CRYBG3: variants seen among roughly 807,000 people sequenced by gnomAD.
CRYBG3 encodes crystallin beta-gamma domain containing 3, also known as very large A-kinase anchor protein.
In CRYBG3, 127 loss-of-function variants were observed where a neutral mutation model predicts 244.2. The observed-to-expected ratio is 0.52, with a 90% CI of 0.45 to 0.60. CRYBG3 has a LOEUF of 0.60. Ranked by LOEUF, CRYBG3 falls within the 20% of genes least tolerant of loss-of-function variation. CRYBG3 has a pLI of 0.00. For missense variants in CRYBG3, 3,325 were observed against 3,442.5 expected, an observed-to-expected ratio of 0.97 and a Z score of 0.85; for synonymous variants, 1,132 against 1,195.8, an observed-to-expected ratio of 0.95 and a Z score of 1.10.
At chr3:97,844,249 ATCC>A (rs2038866581) in intron 2 of CRYBG3, among the ~76,000 whole-genome samples, 1 of 152,032 alleles carries the variant, frequency 6.6e-6, no homozygotes, top group Non-Finnish European at 1.5e-5. Flanking sequence ...TGGCTACTAA[ATCC>A]TCCTTCTGGT....
intron 11 of CRYBG3, among the ~76,000 whole-genome samples, chr3:97,894,659 G>A (rs1025183773): frequency 8.5e-5 from 13 of 152,066 alleles, no homozygotes; most frequent in African/African-American, 2.4e-4. Context: ...ATAAATTTGC[G>A]AATCTTAATT....
intron 17 of CRYBG3, among the ~76,000 whole-genome samples, chr3:97,928,897 T>C (rs1446687079): frequency 6.6e-6 from 1 of 152,006 alleles, no homozygotes; most frequent in Non-Finnish European, 1.5e-5. Context: ...TATGGATGGA[T>C]ACAGATATAG....
chr3:97,934,254 G>A (rs1244131740), intron 18 of CRYBG3, among the ~76,000 whole-genome samples: 1 of 152,032 alleles, frequency 6.6e-6, no homozygotes, highest in Non-Finnish European at 1.5e-5. Flanking sequence ...GTCAGTCAGG[G>A]TAGACCCAGG....
intron 8 of CRYBG3, 84 bp downstream of exon 8, chr3:97,886,851 T>C: frequency 8.3e-7 from 1 of 1,208,380 alleles, no homozygotes; most frequent in Non-Finnish European, 1.1e-6. Context: ...TTCTAAAGTT[T>C]CTAGCTAATG....
chr3:97,929,894 G>A (rs1334201593), intron 17 of CRYBG3, among the ~76,000 whole-genome samples: 1 of 151,800 alleles, frequency 6.6e-6, no homozygotes, highest in Non-Finnish European at 1.5e-5. Context: ...CCTCCATCAA[G>A]CTTTTTATCT....
At chr3:97,879,780 G>C (rs373439913) in intron 5 of CRYBG3, 32 bp downstream of exon 5, 1 of 1,503,180 alleles carries the variant, frequency 6.7e-7, no homozygotes, top group Non-Finnish European at 9.2e-7. Flanking sequence ...TAAGATAAAG[G>C]TTAAACATTA....
chr3:97,880,470 G>A (rs900752782), intron 6 of CRYBG3, among the ~76,000 whole-genome samples: 1 of 152,214 alleles, frequency 6.6e-6, no homozygotes, highest in Non-Finnish European at 1.5e-5. Context: ...GAATGTGAAG[G>A]CCACATAGTT....
Position 97,864,550 on chromosome 3 carries a change from C to A in CRYBG3, c.550C>A (p.Pro184Thr), listed in dbSNP as rs1333288857. ...TGGCTCCCTAAGAACCCAGACACAT[C>A]CAACAGAAGAACAAGACTCTAACTC... The part of the protein sequence containing the change: ...FSGSLRTQTH[P>T]TEEQDSNSSE... The change falls in exon 3 of 22, where the codon CCA becomes ACA. Residue 184 changes from proline (P) to threonine (T), a missense_variant. Pro to Thr is a conservative substitution (Grantham distance 38). Around this residue, in one of 4 missense-constraint regions of CRYBG3, gnomAD observed 1,526 missense variants for 1,443.2 expected, o/e 1.06. Coordinates refer to ENST00000389622, the MANE Select transcript of CRYBG3 (RefSeq NM_153605.4). 2.0e-6 allele frequency: 3 copies of A among 1,535,826 alleles called. No homozygotes were observed. The highest frequency in any genetic ancestry group is 1.2e-5 in the South Asian group (1 of 84,048).
intron 12 of CRYBG3, 106 bp downstream of exon 12, chr3:97,896,191 C>A: frequency 1.8e-6 from 2 of 1,090,620 alleles, no homozygotes; most frequent in Non-Finnish European, 2.6e-6. Flanking sequence ...ATTTCTAACA[C>A]CCAAGAGTAT....
In CRYBG3 at chr3:97,876,900, G is replaced by A; in HGVS notation, c.5706G>A (p.Gly1902=). 1 of 1,441,602 alleles carries A rather than the reference G, an allele frequency of 6.9e-7. No homozygotes were observed. Among genetic ancestry groups the A allele is most frequent in the Non-Finnish European group, 9.1e-7 (1 of 1,097,260 alleles). 89.3% of individuals were successfully genotyped at this position (1,441,602 alleles called of 1,614,324 possible). A position where few individuals can be genotyped will look rare whatever the true frequency, so the allele number is the denominator to read the frequency against. Residue 1902 remains glycine (G), a synonymous_variant, in exon 4 of 22, where the codon GGG becomes GGA. Coordinates refer to ENST00000389622, the MANE Select transcript of CRYBG3 (RefSeq NM_153605.4). Reference sequence around the variant, plus strand: ...AAACACCACAAGAGTATGCTGAAGGGAGTGTTGAAGAAACAAAGGAAGAGC... The same window carrying A: ...AAACACCACAAGAGTATGCTGAAGGAAGTGTTGAAGAAACAAAGGAAGAGC... ...ESKTPQEYAE[G]SVEETKEEPT... is the part of the protein sequence containing the mutation.
Position 97,944,053 on chromosome 3 carries a change from C to G in CRYBG3, c.*739C>G. ...CCCTTTAGGTGACAAGACTCTATAA[C>G]AGTGGTTACCTGTCTCCATGTTGAC... On this transcript the variant is annotated 3_prime_UTR_variant, in exon 22 of 22. Coordinates refer to ENST00000389622, the MANE Select transcript of CRYBG3 (RefSeq NM_153605.4). 1 of 151,606 alleles carries G rather than the reference C, an allele frequency of 6.6e-6. No homozygotes were observed. The highest frequency in any genetic ancestry group is 3.2e-3 in the Middle Eastern group (1 of 314). The allele number at this position is 151,606 out of a possible 1,614,324, so 9.4% of individuals were successfully genotyped here.
chr3:97,859,675 G>T (rs1403531731), intron 2 of CRYBG3, among the ~76,000 whole-genome samples: 1 of 152,020 alleles, frequency 6.6e-6, no homozygotes, highest in Non-Finnish European at 1.5e-5. Context: ...TCTAAATTTT[G>T]AGAACCCAAA....
chr3:97,898,551 A>G (rs541186694), intron 12 of CRYBG3, among the ~76,000 whole-genome samples: 35 of 152,272 alleles, frequency 2.3e-4, no homozygotes, highest in Admixed American at 2.0e-3. Flanking sequence ...TTTGTTTCAT[A>G]TAGTTTTTAT....
Position 97,872,320 on chromosome 3 carries a change from A to C in CRYBG3, c.1126A>C (p.Arg376=). 2.6e-6 allele frequency: 4 copies of C among 1,536,002 alleles called. No homozygotes were observed. The highest frequency in any genetic ancestry group is 2.6e-6 in the Non-Finnish European group (3 of 1,146,844). ...TTGTGAACCGGTTTCTCAGACTAAC[A>C]GAAATTTGGTATGTTCAGCATTGTT... ...LSCEPVSQTN[R]NLVCSALLTG... Residue 376 remains arginine, a synonymous_variant, in exon 4 of 22, where the codon AGA becomes CGA. Transcript: ENST00000389622.
At position 97,915,645 on chromosome 3, in the gene CRYBG3, A is replaced by G; in HGVS notation, c.8150A>G (p.Asn2717Ser). ...TATTACCAAGAAGACATGTTTGTTA[A>G]TCACTGTGTGTTAGAAGAAGGCCTC... ...LLYYQEDMFV[N>S]HCVLEEGLYA... is the part of the protein sequence containing the mutation. The change falls in exon 17 of 22, where the codon AAT becomes AGT. Residue 2717 changes from asparagine to serine, a missense_variant. By Grantham distance (46) the Asn-to-Ser change is conservative. Transcript: ENST00000389622. The G allele has an allele frequency of 1.2e-6, 2 of 1,612,480 alleles. No individual in the cohort carries two copies. The highest frequency in any genetic ancestry group is 1.7e-6 in the Non-Finnish European group (2 of 1,178,888).
chr3:97,913,489 C>A lies in CRYBG3; in HGVS notation c.8114+1213C>A, dbSNP rs577187159. ...CATACACAATACACAAACCAATAGG[C>A]ACAGCTGCGTTCCAATGAAACATTA... On this transcript the variant is annotated intron_variant, in intron 16 of 21. Coordinates refer to ENST00000389622, the MANE Select transcript of CRYBG3 (RefSeq NM_153605.4). Among the ~76,000 whole-genome samples, 29 of 152,324 alleles carry A rather than the reference C, an allele frequency of 1.9e-4. No individual in the cohort carries two copies. In the South Asian group the frequency reaches 6.0e-3, roughly 32 times the overall value.
At chr3:97,925,425 G>C (rs73851092) in intron 17 of CRYBG3, among the ~76,000 whole-genome samples, 1 of 151,990 alleles carries the variant, frequency 6.6e-6, no homozygotes, top group African/African-American at 2.4e-5. Flanking sequence ...TTACAATGGT[G>C]GGGGGAATAA....
At chr3:97,903,991 A>G (rs971170154) in intron 15 of CRYBG3, among the ~76,000 whole-genome samples, 22 of 152,138 alleles carry the variant, frequency 1.4e-4, no homozygotes, top group Admixed American at 1.1e-3. Flanking sequence ...TTATTTGTCA[A>G]TTTGCCTCGG....
intron 2 of CRYBG3, among the ~76,000 whole-genome samples, chr3:97,856,946 TA>T (rs1270947757): frequency 6.6e-6 from 1 of 152,168 alleles, no homozygotes; most frequent in Non-Finnish European, 1.5e-5. Flanking sequence ...GGGGTTGGCT[TA>T]TTCTTGCTTT....
Sources: gnomAD v4.1 joint callset for allele counts (sites outside exome capture counted in the v4.1 genomes callset) on GRCh38, gnomAD v4.1.1 for gene constraint, gnomAD v4.1.1 regional missense constraint, MANE v1.5 for transcripts, NCBI Gene and HGNC (gene_info 2026-07-23, HGNC 2026-07-21) for gene names.